GRAMD1B: variants seen among roughly 807,000 people sequenced by gnomAD.
The protein encoded by GRAMD1B is GRAM domain containing 1B.
A neutral mutation model predicts 99.7 loss-of-function variants in GRAMD1B; 37 were observed. The observed-to-expected ratio is 0.37, with a 90% CI of 0.29 to 0.49. The LOEUF (loss-of-function observed/expected upper bound fraction) is 0.49. Among genes scored for constraint, GRAMD1B ranks in the 20% least tolerant of loss-of-function variants. The pLI is 0.98. For missense variants in GRAMD1B, 888 were observed against 1,009.2 expected (o/e 0.88, Z 1.63); for synonymous variants, 427 against 387.6 (o/e 1.10, Z -1.19).
chr11:123,486,523 G>T (rs1310725452), intron 2 of GRAMD1B, among the ~76,000 whole-genome samples: 1 of 149,268 alleles, frequency 6.7e-6, no homozygotes, highest in East Asian at 2.0e-4. Flanking sequence ...AGTCCAGCCT[G>T]GGTGACAGAG....
chr11:123,495,974 G>A (rs1411144059), intron 2 of GRAMD1B, among the ~76,000 whole-genome samples: 1 of 152,078 alleles, frequency 6.6e-6, no homozygotes, highest in Non-Finnish European at 1.5e-5. Flanking sequence ...GTCTTTCTAT[G>A]GAAGATAAGA....
intron 2 of GRAMD1B, among the ~76,000 whole-genome samples, chr11:123,549,244 G>C (rs1231983588): frequency 6.6e-6 from 1 of 152,140 alleles, no homozygotes; most frequent in Non-Finnish European, 1.5e-5. Flanking sequence ...AGAGCTGTGA[G>C]ATGAAGAATG....
At chr11:123,470,803 T>C (rs1323911175) in intron 1 of GRAMD1B, among the ~76,000 whole-genome samples, 4 of 152,140 alleles carry the variant, frequency 2.6e-5, no homozygotes, top group Non-Finnish European at 4.4e-5. Flanking sequence ...GTTAAGAAAT[T>C]TGCTCTGAGT....
At chr11:123,392,664 C>T (rs1397215358) in intron 1 of GRAMD1B, among the ~76,000 whole-genome samples, 1 of 152,070 alleles carries the variant, frequency 6.6e-6, no homozygotes, top group East Asian at 1.9e-4. Context: ...ATCACTACAG[C>T]CCTAATGCCT....
At chr11:123,527,492 G>C (rs934627575) in intron 2 of GRAMD1B, among the ~76,000 whole-genome samples, 1 of 152,116 alleles carries the variant, frequency 6.6e-6, no homozygotes, top group Non-Finnish European at 1.5e-5. Context: ...TCCCCCAGCC[G>C]GGAGTTTCTT....
intron 2 of GRAMD1B, among the ~76,000 whole-genome samples, chr11:123,508,678 C>T (rs952050922): frequency 3.9e-5 from 6 of 152,190 alleles, no homozygotes; most frequent in Admixed American, 6.5e-5. Flanking sequence ...TAAATGATCA[C>T]ACAATCATTG....
intron 1 of GRAMD1B, among the ~76,000 whole-genome samples, chr11:123,467,841 C>CCTTCCTTCCTT (rs61266237): frequency 4.4e-4 from 48 of 109,368 alleles, no homozygotes; most frequent in South Asian, 1.7e-3. Context: ...CTCCCTCCCT[C>CCTTCCTTCCTT]CCTTCCTTCC....
chr11:123,553,076 G>A (rs1332669156), intron 2 of GRAMD1B, among the ~76,000 whole-genome samples: 1 of 152,146 alleles, frequency 6.6e-6, no homozygotes, highest in Non-Finnish European at 1.5e-5. Context: ...CAAAAGCTCT[G>A]ATACCTGGCT....
intron 2 of GRAMD1B, among the ~76,000 whole-genome samples, chr11:123,571,050 G>A (rs1948020083): frequency 6.6e-6 from 1 of 152,228 alleles, no homozygotes; most frequent in South Asian, 2.1e-4. Flanking sequence ...GCAGGAAGGA[G>A]CAGCTGCAGT....
intron 1 of GRAMD1B, chr11:123,459,203 T>C (rs958522233): frequency 6.8e-6 from 1 of 146,720 alleles, no homozygotes; most frequent in Non-Finnish European, 1.5e-5. Context: ...AAGACACTTC[T>C]ATATATTTTT....
chr11:123,374,665 C>T (rs761072955), intron 1 of GRAMD1B, among the ~76,000 whole-genome samples: 2 of 152,202 alleles, frequency 1.3e-5, no homozygotes, highest in South Asian at 2.1e-4. Context: ...AAGCAATAGA[C>T]AGCGACCCTC....
At chr11:123,557,220 T>C (rs893187516) in intron 2 of GRAMD1B, among the ~76,000 whole-genome samples, 12 of 152,248 alleles carry the variant, frequency 7.9e-5, no homozygotes, top group African/African-American at 2.9e-4. Flanking sequence ...TTTGCTATCA[T>C]CAGGATAGTT....
At chr11:123,558,879 CCTGCAGGGGCTGG>C (rs1238024593) in intron 2 of GRAMD1B, among the ~76,000 whole-genome samples, 1 of 152,188 alleles carries the variant, frequency 6.6e-6, no homozygotes, top group Non-Finnish European at 1.5e-5. Context: ...TCATGATGAG[CCTGCAGGGGCTGG>C]CCCTCCCAGA....
intron 1 of GRAMD1B, among the ~76,000 whole-genome samples, chr11:123,364,758 G>A (rs1025437538): frequency 2.0e-5 from 3 of 152,018 alleles, no homozygotes; most frequent in Admixed American, 6.5e-5. Flanking sequence ...CAAGCTGAAC[G>A]TGACTGTCTC....
Position 123,432,977 on chromosome 11 carries a change from T to G in GRAMD1B, c.374+1811T>G, listed in dbSNP as rs142493380. Among the ~76,000 whole-genome samples, 766 of 152,284 alleles carry G rather than the reference T, an allele frequency of 5.0e-3. 2 individuals are homozygous for G. Among genetic ancestry groups the G allele is most frequent in the Non-Finnish European group, 7.2e-3 (487 of 68,026 alleles). The stretch of plus-strand genomic sequence containing the variant: ...GTGGACGCTGGGGATAGAAGTTCTT[T>G]CTGTTTGGTACTTCATCCTGCTACC... On this transcript the variant is annotated intron_variant, in intron 1 of 19. Coordinates refer to ENST00000635736, the MANE Select transcript of GRAMD1B (RefSeq NM_001387025.1).
At chr11:123,588,648 T>C (rs1191539246) in intron 4 of GRAMD1B, among the ~76,000 whole-genome samples, 1 of 152,194 alleles carries the variant, frequency 6.6e-6, no homozygotes, top group Non-Finnish European at 1.5e-5. Flanking sequence ...AGGGCTGACA[T>C]GCAGGGCGAA....
intron 1 of GRAMD1B, among the ~76,000 whole-genome samples, chr11:123,374,725 T>C (rs1024560850): frequency 6.6e-5 from 10 of 152,236 alleles, no homozygotes; most frequent in Admixed American, 2.0e-4. Flanking sequence ...GCTTTCACTC[T>C]GGGCTGAGTG....
At chr11:123,537,465 G>A (rs1037067952) in intron 2 of GRAMD1B, among the ~76,000 whole-genome samples, 4 of 152,284 alleles carry the variant, frequency 2.6e-5, no homozygotes, top group African/African-American at 7.2e-5. Flanking sequence ...CAAACCTGAG[G>A]ATGCAAATTT....
In GRAMD1B at chr11:123,594,134, A is replaced by G; in HGVS notation, c.737A>G (p.Lys246Arg). 1 of 1,613,478 alleles carries G rather than the reference A, an allele frequency of 6.2e-7. No individual in the cohort carries two copies. The highest frequency in any genetic ancestry group is 8.5e-7 in the Non-Finnish European group (1 of 1,179,404). Residue 246 changes from lysine to arginine, a missense_variant, in exon 5 of 20, where the codon AAG becomes AGG. Coordinates refer to ENST00000635736, the MANE Select transcript of GRAMD1B (RefSeq NM_001387025.1). ...AATGAAGACTTCAGAAAGCTCTTTA[A>G]GCAGCTTCCAGACACGGAGCGCCTC... ...QRNEDFRKLF[K>R]QLPDTERLIV...
Sources: allele counts gnomAD v4.1 joint callset (sites outside exome capture counted in the v4.1 genomes callset), GRCh38; gene constraint gnomAD v4.1.1; transcripts MANE v1.5; gene names NCBI Gene and HGNC (gene_info 2026-07-23, HGNC 2026-07-21).